Variants in SDK1 observed in about 807,000 individuals in gnomAD.
The protein encoded by SDK1 is sidekick cell adhesion molecule 1.
SDK1 carries 157 observed loss-of-function variants against 245.5 expected under a neutral mutation model. The ratio of observed to expected loss-of-function variants is 0.64; its 90% CI spans 0.56 to 0.73. SDK1 has a LOEUF of 0.73. Among genes scored for constraint, SDK1 ranks in the 30% least tolerant of loss-of-function variants. The probability of loss-of-function intolerance (pLI) is 0.00; values close to 1 mark genes in which losing one functional copy is unlikely to be tolerated. For synonymous variants in SDK1, 1,647 were observed against 1,278.5 expected (o/e 1.29, Z -6.15); for missense variants, 3,583 against 3,002.3 (o/e 1.19, Z -4.52).
chr7:3,478,517 CTT>C (rs919499846), intron 1 of SDK1, among the ~76,000 whole-genome samples: 1 of 151,508 alleles, frequency 6.6e-6, no homozygotes, highest in African/African-American at 2.4e-5. Flanking sequence ...TTAAAAATAA[CTT>C]TATTTTTAAA....
At chr7:4,167,972 C>G (rs1402181790) in intron 32 of SDK1, among the ~76,000 whole-genome samples, 1 of 152,218 alleles carries the variant, frequency 6.6e-6, no homozygotes, top group Non-Finnish European at 1.5e-5. Flanking sequence ...CCTGCTGATG[C>G]CTCCGAGCAC....
At chr7:4,193,190 ATT>A (rs963620642) in intron 35 of SDK1, among the ~76,000 whole-genome samples, 4 of 133,858 alleles carry the variant, frequency 3.0e-5, no homozygotes, top group African/African-American at 1.1e-4. Flanking sequence ...GTATAAATAT[ATT>A]AATATATTTA....
intron 1 of SDK1, among the ~76,000 whole-genome samples, chr7:3,398,224 A>G (rs1054933329): frequency 2.0e-5 from 3 of 152,072 alleles, no homozygotes; most frequent in African/African-American, 7.2e-5. Flanking sequence ...GGGCTTCCCT[A>G]GAAATACCGC....
intron 12 of SDK1, among the ~76,000 whole-genome samples, chr7:3,972,803 C>G (rs1044812355): frequency 1.3e-5 from 2 of 152,140 alleles, no homozygotes; most frequent in Admixed American, 6.5e-5. Context: ...TGTCGCCACC[C>G]GACTCCCTGG....
In SDK1 at chr7:4,011,088, G is replaced by A; in HGVS notation, c.2254G>A (p.Gly752Ser). The change falls in exon 15 of 45, where the codon GGC becomes AGC. Residue 752 changes from glycine (G) to serine (S), a missense_variant. By Grantham distance (56) the Gly-to-Ser change is moderately conservative. Transcript: ENST00000404826. ...RVCAVNEVGR[G>S]QYSAETSRLM... ...GTGCGCGGTGAATGAAGTGGGCAGG[G>A]GCCAGTACAGCGCCGAGACAAGCAG... The A allele has an allele frequency of 1.2e-6, 2 of 1,614,040 alleles. No individual in the cohort carries two copies. Among genetic ancestry groups the A allele is most frequent in the Non-Finnish European group, 1.7e-6 (2 of 1,180,026 alleles).
intron 5 of SDK1, 33 bp downstream of exon 5, chr7:3,821,616 A>T (rs1481634812): frequency 6.2e-7 from 1 of 1,607,800 alleles, no homozygotes; most frequent in Admixed American, 1.7e-5. Flanking sequence ...GTAATTCTGC[A>T]AGCAATAAAA....
chr7:3,550,564 T>C (rs986716626), intron 1 of SDK1, among the ~76,000 whole-genome samples: 1 of 152,210 alleles, frequency 6.6e-6, no homozygotes, highest in African/African-American at 2.4e-5. Context: ...CTTTGCCTAT[T>C]TATCATATCT....
At chr7:3,504,172 A>G (rs896032191) in intron 1 of SDK1, among the ~76,000 whole-genome samples, 11 of 65,000 alleles carry the variant, frequency 1.7e-4, no homozygotes, top group Non-Finnish European at 3.3e-5. Context: ...AAAAAATTAT[A>G]TATATATATA....
intron 4 of SDK1, among the ~76,000 whole-genome samples, chr7:3,799,546 A>G (rs1229575602): frequency 6.6e-6 from 1 of 151,072 alleles, no homozygotes; most frequent in East Asian, 1.9e-4. Context: ...CTACTAAAAA[A>G]TACAAAAAAT....
intron 19 of SDK1, among the ~76,000 whole-genome samples, chr7:4,065,367 CAG>C (rs962830822): frequency 1.3e-5 from 2 of 151,936 alleles, no homozygotes; most frequent in South Asian, 2.1e-4. Context: ...AAAGAGGAAA[CAG>C]AATATAAATT....
chr7:3,932,662 T>G (rs1780019284), intron 5 of SDK1, among the ~76,000 whole-genome samples: 1 of 152,116 alleles, frequency 6.6e-6, no homozygotes, highest in Non-Finnish European at 1.5e-5. Flanking sequence ...TGAAAAGAGA[T>G]GGGAAAACAG....
intron 1 of SDK1, among the ~76,000 whole-genome samples, chr7:3,305,024 C>G (rs773380958): frequency 6.6e-6 from 1 of 152,198 alleles, no homozygotes; most frequent in Non-Finnish European, 1.5e-5. Context: ...CCCTTTCATG[C>G]CTTCCTGGGC....
At chr7:3,612,834 C>T (rs1781645132) in intron 1 of SDK1, among the ~76,000 whole-genome samples, 1 of 152,156 alleles carries the variant, frequency 6.6e-6, no homozygotes, top group Non-Finnish European at 1.5e-5. Flanking sequence ...ATTGACGGTG[C>T]TGATTATGAT....
rs376555352 is a variant in SDK1, at chr7:4,101,149, A to ATT, written c.3325-9498_3325-9497dup. 2.4e-3 allele frequency among the ~76,000 whole-genome samples: 335 copies of ATT among 137,690 alleles called. 1 individual carries two copies. Among genetic ancestry groups the ATT allele is most frequent in the East Asian group, 0.012 (57 of 4,716 alleles). The allele number at this position is 137,690 out of a possible 152,430, so 90.3% of individuals were successfully genotyped here. ...GTTTTAAGGTAGCAAGGACACTTGCATTTTTTTTTTTTTTTTTGAGACGGA... is the reference window on the plus strand; with the variant it reads ...GTTTTAAGGTAGCAAGGACACTTGCATTTTTTTTTTTTTTTTTTTGAGACGGA... On this transcript the variant is annotated intron_variant, in intron 22 of 44. Coordinates refer to ENST00000404826, the MANE Select transcript of SDK1 (RefSeq NM_152744.4).
chr7:3,332,418 G>A (rs1377970189), intron 1 of SDK1, among the ~76,000 whole-genome samples: 1 of 152,098 alleles, frequency 6.6e-6, no homozygotes, highest in Non-Finnish European at 1.5e-5. Flanking sequence ...TTCTGTGGGT[G>A]AAAAGGGATA....
intron 30 of SDK1, among the ~76,000 whole-genome samples, chr7:4,156,074 A>G (rs77221023): frequency 0.011 from 1,611 of 152,270 alleles, 18 homozygotes; most frequent in African/African-American, 0.037. Flanking sequence ...CAGTTTCACG[A>G]TGCCTGTGCT....
intron 4 of SDK1, among the ~76,000 whole-genome samples, chr7:3,705,924 A>C (rs1490764165): frequency 6.6e-6 from 1 of 152,096 alleles, no homozygotes; most frequent in Admixed American, 6.5e-5. Flanking sequence ...GATGGCTTTT[A>C]TTTTGAGGTA....
At position 3,969,327 on chromosome 7, in the gene SDK1, G is replaced by T. The variant is rs377274613; in HGVS notation, c.1617G>T (p.Gln539His). 9.3e-6 allele frequency: 15 copies of T among 1,611,258 alleles called. No individual in the cohort carries two copies. Among genetic ancestry groups the T allele is most frequent in the Admixed American group, 3.4e-5 (2 of 59,588 alleles). Residue 539 changes from glutamine to histidine, a missense_variant, in exon 11 of 45, where the codon CAG becomes CAT. Transcript: ENST00000404826. ...RFMLLESGGLQIAPVFIQDAG... is the reference protein window; with the variant it reads ...RFMLLESGGLHIAPVFIQDAG... ...TGCTTCTTGAATCGGGGGGTCTACA[G>T]ATCGCGCCCGTCTTCATCCAGGATG...
intron 5 of SDK1, among the ~76,000 whole-genome samples, chr7:3,877,245 C>T (rs1390837084): frequency 6.6e-6 from 1 of 152,194 alleles, no homozygotes; most frequent in Non-Finnish European, 1.5e-5. Context: ...TTTTTCCATG[C>T]ATTGGAGAGT....
Sources: gnomAD v4.1 joint callset for allele counts (sites outside exome capture counted in the v4.1 genomes callset) on GRCh38, gnomAD v4.1.1 for gene constraint, MANE v1.5 for transcripts, NCBI Gene and HGNC (gene_info 2026-07-23, HGNC 2026-07-21) for gene names.